Variants in SPARC observed in about 807,000 individuals in gnomAD.
SPARC encodes the protein secreted protein acidic and cysteine rich.
SPARC carries 23 observed loss-of-function variants against 37.7 expected under a neutral mutation model. The ratio of observed to expected loss-of-function variants is 0.61; its 90% CI spans 0.44 to 0.87. The LOEUF (loss-of-function observed/expected upper bound fraction) is 0.87. Ranked by LOEUF, SPARC falls within the 40% of genes least tolerant of loss-of-function variation. The pLI is 0.00. For synonymous variants in SPARC, 155 were observed against 150.8 expected (o/e 1.03, Z -0.20); for missense variants, 312 against 389.0 (o/e 0.80, Z 1.66).
In SPARC at chr5:151,673,220, G is replaced by A; in HGVS notation, c.121-4C>T. The stretch of plus-strand genomic sequence containing the variant: ...CAGGATTAGCTCCCACAGATACCTG[G>A]AATTGAGGGAGAAGAATGGGTGAAA... On this transcript the variant is annotated splice_region_variant and splice_polypyrimidine_tract_variant and intron_variant, in intron 3 of 9. Transcript: ENST00000231061. 7 of 1,598,082 alleles carry A rather than the reference G, an allele frequency of 4.4e-6. No individual in the cohort carries two copies. Among genetic ancestry groups the A allele is most frequent in the African/African-American group, 1.3e-5 (1 of 74,720 alleles).
intron 1 of SPARC, among the ~76,000 whole-genome samples, chr5:151,684,677 AC>A (rs923762785): frequency 3.6e-4 from 54 of 151,998 alleles, no homozygotes; most frequent in African/African-American, 1.3e-3. Context: ...CAGTTCTAAA[AC>A]CCTTTGCATT....
Position 151,680,216 on chromosome 5 carries a change from C to CTTTTTTTTTTTT in SPARC, c.-13-4027_-13-4016dup, listed in dbSNP as rs58021431. 1.6e-3 allele frequency among the ~76,000 whole-genome samples: 97 copies of CTTTTTTTTTTTT among 61,980 alleles called. 21 individuals carry two copies. Among genetic ancestry groups the CTTTTTTTTTTTT allele is most frequent in the African/African-American group, 5.4e-3 (72 of 13,350 alleles). 40.7% of individuals were successfully genotyped at this position (61,980 alleles called of 152,430 possible). ...TGCAATAGAGAATAGTGGAAAACATCTTTTTTTTTTTTTTTTTTTTTTTTT... is the reference window on the plus strand; with the variant it reads ...TGCAATAGAGAATAGTGGAAAACATCTTTTTTTTTTTTTTTTTTTTTTTTTTTTTTTTTTTTT... On this transcript the variant is annotated intron_variant, in intron 1 of 9. Transcript: ENST00000231061.
chr5:151,666,040 G>A (rs534955883), intron 8 of SPARC, among the ~76,000 whole-genome samples: 2 of 152,268 alleles, frequency 1.3e-5, no homozygotes, highest in South Asian at 4.1e-4. Context: ...ACCCAACCTT[G>A]TCCCCTGCCA....
intron 1 of SPARC, among the ~76,000 whole-genome samples, chr5:151,685,392 CCTCTCTCT>C (rs5872225): frequency 2.1e-5 from 3 of 141,178 alleles, no homozygotes; most frequent in African/African-American, 8.1e-5. Context: ...CCATATTCAT[CCTCTCTCT>C]CTCTCTCTCT....
At chr5:151,684,114 T>A (rs116195828) in intron 1 of SPARC, among the ~76,000 whole-genome samples, 29 of 152,324 alleles carry the variant, frequency 1.9e-4, no homozygotes, top group African/African-American at 7.0e-4. Context: ...ACACTGTTGA[T>A]TGACAAATCT....
Position 151,685,422 on chromosome 5 carries a change from T to TCTCACACACACA in SPARC, c.-14+1442_-14+1443insTGTGTGTGTGAG, listed in dbSNP as rs1216324359. ...CTCTCTCTCTCTCTCCCTCTCTCTC[T>TCTCACACACACA]CACACACACACACACACACACACAC... On this transcript the variant is annotated intron_variant, in intron 1 of 9. Coordinates refer to ENST00000231061, the MANE Select transcript of SPARC (RefSeq NM_003118.4). 3.3e-4 allele frequency among the ~76,000 whole-genome samples: 47 copies of TCTCACACACACA among 140,522 alleles called. 1 individual carries two copies. Among genetic ancestry groups the TCTCACACACACA allele is most frequent in the African/African-American group, 1.3e-3 (47 of 37,256 alleles). The allele number at this position is 140,522 out of a possible 152,430, so 92.2% of individuals were successfully genotyped here. A position where few individuals can be genotyped will look rare whatever the true frequency, so the allele number is the denominator to read the frequency against.
At chr5:151,671,279 G>A (rs533365857) in intron 5 of SPARC, among the ~76,000 whole-genome samples, 2 of 152,232 alleles carry the variant, frequency 1.3e-5, no homozygotes, top group East Asian at 3.9e-4. Context: ...CCCAGAACCC[G>A]TATTTTTGGA....
At chr5:151,682,454 A>G (rs191918228) in intron 1 of SPARC, among the ~76,000 whole-genome samples, 148 of 152,346 alleles carry the variant, frequency 9.7e-4, no homozygotes, top group African/African-American at 3.1e-3. Context: ...CCGAGATCCC[A>G]AAGATAGCAA....
intron 5 of SPARC, among the ~76,000 whole-genome samples, chr5:151,670,932 T>C (rs569969016): frequency 6.6e-6 from 1 of 152,274 alleles, no homozygotes; most frequent in South Asian, 2.1e-4. Context: ...GGAATAGTGC[T>C]GGCCCTAGAT....
At chr5:151,679,401 A>T (rs1760934400) in intron 1 of SPARC, 1 of 152,208 alleles carries the variant, frequency 6.6e-6, no homozygotes, top group Non-Finnish European at 1.5e-5. Flanking sequence ...CACCACTGGT[A>T]TGTCTCTACC....
chr5:151,665,426 G>T (rs1463997468), intron 8 of SPARC, among the ~76,000 whole-genome samples: 1 of 152,184 alleles, frequency 6.6e-6, no homozygotes, highest in East Asian at 1.9e-4. Flanking sequence ...CAGCCCTCAG[G>T]ATCACTGGCA....
intron 1 of SPARC, among the ~76,000 whole-genome samples, chr5:151,680,216 C>CTTT (rs58021431): frequency 0.015 from 948 of 61,934 alleles, 278 homozygotes; most frequent in African/African-American, 0.068. Context: ...TGGAAAACAT[C>CTTT]TTTTTTTTTT....
chr5:151,667,706 C>T, intron 6 of SPARC, 106 bp from the exon 7 acceptor site: 1 of 1,345,718 alleles, frequency 7.4e-7, no homozygotes, highest in African/African-American at 1.4e-5. Flanking sequence ...GGCCTTGGCA[C>T]AGTGGCTCAA....
At chr5:151,685,416 T>TCA (rs1761112705) in intron 1 of SPARC, among the ~76,000 whole-genome samples, 1 of 54,412 alleles carries the variant, frequency 1.8e-5, no homozygotes, top group Non-Finnish European at 4.0e-5. Context: ...TCTCTCCCTC[T>TCA]CTCTCTCACA....
intron 8 of SPARC, among the ~76,000 whole-genome samples, chr5:151,665,219 G>GTGCTGT (rs1266693027): frequency 6.6e-6 from 1 of 152,212 alleles, no homozygotes; most frequent in Non-Finnish European, 1.5e-5. Context: ...TTTCCCAGAT[G>GTGCTGT]TGCTGTTCTT....
At chr5:151,676,293 G>A (rs559402711) in intron 1 of SPARC, 92 bp from the exon 2 acceptor site, 8 of 845,406 alleles carry the variant, frequency 9.5e-6, no homozygotes, top group East Asian at 5.4e-5. Flanking sequence ...GATAATGTTA[G>A]ATGGTACAAG....
At chr5:151,665,903 C>G (rs1186278823) in intron 8 of SPARC, among the ~76,000 whole-genome samples, 1 of 152,174 alleles carries the variant, frequency 6.6e-6, no homozygotes, top group East Asian at 1.9e-4. Context: ...AATAGACAGG[C>G]TTTTTTGGAT....
intron 1 of SPARC, among the ~76,000 whole-genome samples, chr5:151,680,391 C>T (rs1008099829): frequency 4.5e-5 from 5 of 110,724 alleles, no homozygotes; most frequent in South Asian, 2.4e-4. Flanking sequence ...CTACACCCAG[C>T]GAATTTTTCT....
chr5:151,675,854 C>A (rs1267360252), intron 2 of SPARC, among the ~76,000 whole-genome samples: 1 of 152,152 alleles, frequency 6.6e-6, no homozygotes, highest in East Asian at 1.9e-4. Context: ...ACAAAGAGGT[C>A]ATTTCCTTCT....
Sources: gnomAD v4.1 joint callset for allele counts (sites outside exome capture counted in the v4.1 genomes callset) on GRCh38, gnomAD v4.1.1 for gene constraint, MANE v1.5 for transcripts, NCBI Gene and HGNC (gene_info 2026-07-23, HGNC 2026-07-21) for gene names.